Variants in ADAMTS2 observed in about 807,000 individuals in gnomAD.
ADAMTS2 encodes the protein A disintegrin and metalloproteinase with thrombospondin motifs 2.
Under a neutral mutation model 123.0 loss-of-function variants are expected in ADAMTS2, and 50 were observed. That is an observed-to-expected ratio of 0.41 (90% CI 0.32 to 0.51). The LOEUF (loss-of-function observed/expected upper bound fraction) is 0.51, where lower values mean the gene tolerates loss of function less well. ADAMTS2 is among the 20% of genes least tolerant of loss of function. ADAMTS2 has a pLI of 0.35. For synonymous variants in ADAMTS2, 678 were observed against 695.4 expected (o/e 0.98, Z 0.39); for missense variants, 1,494 against 1,705.2 (o/e 0.88, Z 2.18).
rs528175195 is a variant in ADAMTS2 at position 179,254,282 on chromosome 5, A to T, written c.688+18629T>A. Among the ~76,000 whole-genome samples, 6 of 152,370 alleles carry T rather than the reference A, an allele frequency of 3.9e-5. No homozygotes were observed. In the South Asian group the frequency reaches 1.0e-3, roughly 26 times the overall value. ...ATCAATCCTTAGAAGGACTCCAGCC[A>T]GACCCCAAAGGCCACATATTATCAA... On this transcript the variant is annotated intron_variant, in intron 3 of 21. Transcript: ENST00000251582.
At chr5:179,199,507 C>T (rs1408581754) in intron 4 of ADAMTS2, among the ~76,000 whole-genome samples, 1 of 152,160 alleles carries the variant, frequency 6.6e-6, no homozygotes, top group East Asian at 1.9e-4. Flanking sequence ...GAGCAGTGCA[C>T]CAGTAGGAAG....
chr5:179,252,540 T>G (rs1199802575), intron 3 of ADAMTS2, among the ~76,000 whole-genome samples: 1 of 152,188 alleles, frequency 6.6e-6, no homozygotes, highest in Non-Finnish European at 1.5e-5. Context: ...ATGAATTATT[T>G]AAAAGTATTT....
chr5:179,222,164 G>T (rs1765142135), intron 3 of ADAMTS2, among the ~76,000 whole-genome samples: 1 of 152,160 alleles, frequency 6.6e-6, no homozygotes, highest in Admixed American at 6.5e-5. Context: ...AATTGGCCCT[G>T]GTGGACCCCA....
chr5:179,199,852 T>G (rs1047145406), intron 4 of ADAMTS2, among the ~76,000 whole-genome samples: 1 of 152,180 alleles, frequency 6.6e-6, no homozygotes, highest in African/African-American at 2.4e-5. Context: ...ATATTTGCAT[T>G]TAAAATAGCC....
Position 179,130,069 on chromosome 5 carries a change from T to A in ADAMTS2, c.2320A>T (p.Ile774Phe). The change falls in exon 16 of 22, where the codon ATC (isoleucine) becomes TTC (phenylalanine). Residue 774 changes from isoleucine (I) to phenylalanine (F), a missense_variant. Ile to Phe is a conservative substitution (Grantham distance 21, BLOSUM62 0). Coordinates refer to ENST00000251582, the MANE Select transcript of ADAMTS2 (RefSeq NM_014244.5). The surrounding 1 kb of genome is among the most constrained non-coding windows in gnomAD (Gnocchi z 4.3). ...AVKNLETGKF[I>F]LNEENDVDAS... ...TCCACGTCATTCTCTTCATTTAAGA[T>A]GAACTTGCCTGTCTCCAGGTTCTTG... The A allele has an allele frequency of 6.2e-7, 1 of 1,614,116 alleles. No individual in the cohort carries two copies. The highest frequency in any genetic ancestry group is 8.5e-7 in the Non-Finnish European group (1 of 1,180,036).
intron 2 of ADAMTS2, among the ~76,000 whole-genome samples, chr5:179,280,833 C>T (rs2113528384): frequency 6.6e-6 from 1 of 152,300 alleles, no homozygotes; most frequent in Non-Finnish European, 1.5e-5. Context: ...AAAAGGGAAT[C>T]ATTTTTCATT....
intron 11 of ADAMTS2, 61 bp downstream of exon 11, chr5:179,139,829 A>T: frequency 6.2e-7 from 1 of 1,605,516 alleles, no homozygotes; most frequent in Non-Finnish European, 8.5e-7. Flanking sequence ...CTGGCTGGAG[A>T]GGGTCTCCTG....
In ADAMTS2 at chr5:179,342,785, C is replaced by G. The variant is rs1271542195; in HGVS notation, c.534+982G>C. 3.9e-5 allele frequency among the ~76,000 whole-genome samples: 6 copies of G among 152,342 alleles called. No homozygotes were observed. In the East Asian group the frequency reaches 7.7e-4, roughly 20 times the overall value. Reference sequence around the variant, plus strand: ...GTGGCCTCTGCTGTGTGCCAGGCCCCGGGCAGCCGGACAGAGCACCGCCAA... The same window carrying G: ...GTGGCCTCTGCTGTGTGCCAGGCCCGGGGCAGCCGGACAGAGCACCGCCAA... On this transcript the variant is annotated intron_variant, in intron 2 of 21. Transcript: ENST00000251582.
At chr5:179,320,112 C>T (rs1172860576) in intron 2 of ADAMTS2, among the ~76,000 whole-genome samples, 1 of 152,236 alleles carries the variant, frequency 6.6e-6, no homozygotes, top group African/African-American at 2.4e-5. Context: ...AGCAGCCTCA[C>T]TGTCCCTGCC....
intron 10 of ADAMTS2, among the ~76,000 whole-genome samples, chr5:179,144,376 T>C (rs1007386775): frequency 2.0e-5 from 3 of 152,188 alleles, no homozygotes; most frequent in African/African-American, 7.2e-5. Flanking sequence ...ACATAATTCC[T>C]ATCAAAATGC....
At chr5:179,232,682 C>G (rs148166759) in intron 3 of ADAMTS2, among the ~76,000 whole-genome samples, 1 of 152,128 alleles carries the variant, frequency 6.6e-6, no homozygotes, top group Admixed American at 6.5e-5. Context: ...GATTCCCACG[C>G]GTGTCTGCAT....
intron 2 of ADAMTS2, among the ~76,000 whole-genome samples, chr5:179,331,343 AAG>A (rs1408783313): frequency 8.5e-6 from 1 of 117,406 alleles, no homozygotes; most frequent in Non-Finnish European, 1.8e-5. Context: ...GAGTGGGAAA[AAG>A]AGGAATGAGA....
intron 3 of ADAMTS2, among the ~76,000 whole-genome samples, chr5:179,223,131 T>C (rs1007774565): frequency 3.9e-5 from 6 of 152,228 alleles, no homozygotes; most frequent in Non-Finnish European, 8.8e-5. Flanking sequence ...CTAACTACCA[T>C]TTGCCAGCCT....
chr5:179,196,740 C>T (rs1276077809), intron 4 of ADAMTS2, among the ~76,000 whole-genome samples: 3 of 152,226 alleles, frequency 2.0e-5, no homozygotes, highest in Non-Finnish European at 2.9e-5. Flanking sequence ...TACATTTCTG[C>T]ACAGCCTGGT....
chr5:179,137,874 G>A lies in ADAMTS2; in HGVS notation c.1846C>T (p.Pro616Ser), dbSNP rs1763093611. The change falls in exon 12 of 22, where the codon CCC (proline) becomes TCC (serine). Residue 616 changes from proline (P) to serine (S), a missense_variant. Transcript: ENST00000251582. ...TCGCGGAAGTCAGCCAGGGAGTCGGGGCAGTCCTGGCGGCTGCAGAGCTGG... is the reference window on the plus strand; with the variant it reads ...TCGCGGAAGTCAGCCAGGGAGTCGGAGCAGTCCTGGCGGCTGCAGAGCTGG... The part of the protein sequence containing the change: ...DFQLCSRQDC[P>S]DSLADFREEQ... The A allele has an allele frequency of 2.6e-6, 4 of 1,559,698 alleles. No homozygotes were observed. Among genetic ancestry groups the A allele is most frequent in the Non-Finnish European group, 3.5e-6 (4 of 1,153,144 alleles).
chr5:179,307,833 C>T lies in ADAMTS2; in HGVS notation c.535-34769G>A, dbSNP rs1357510034. 6.6e-6 allele frequency among the ~76,000 whole-genome samples: 1 copy of T among 152,190 alleles called. No homozygotes were observed. The highest frequency in any genetic ancestry group is 1.5e-5 in the Non-Finnish European group (1 of 68,036). On this transcript the variant is annotated intron_variant, in intron 2 of 21. Transcript: ENST00000251582. The surrounding 1 kb of genome is among the most constrained non-coding windows in gnomAD (Gnocchi z 5.6). The stretch of plus-strand genomic sequence containing the variant: ...ACAAGGACCTTGGTGAAGGGTGTCC[C>T]TTCTCCATCACACTCCACACTGCCA...
intron 17 of ADAMTS2, among the ~76,000 whole-genome samples, chr5:179,126,495 C>A (rs764251650): frequency 1.3e-5 from 2 of 152,228 alleles, no homozygotes; most frequent in Non-Finnish European, 2.9e-5. Context: ...GCCCGCAGCC[C>A]GCATGCTTCC....
At position 179,207,634 on chromosome 5, in the gene ADAMTS2, G is replaced by T. The variant is rs370679548; in HGVS notation, c.770C>A (p.Ala257Glu). The T allele has an allele frequency of 3.6e-5, 58 of 1,613,662 alleles. No individual in the cohort carries two copies. The African/African-American group carries it at 7.1e-4, about 20-fold the overall frequency. Residue 257 changes from alanine (A) to glutamate (E), a missense_variant, in exon 4 of 22, where the codon GCA (alanine) becomes GAA (glutamate). Coordinates refer to ENST00000251582, the MANE Select transcript of ADAMTS2 (RefSeq NM_014244.5). ...EEHANSSRRRARRHAADDDYN... is the reference protein window; with the variant it reads ...EEHANSSRRRERRHAADDDYN... ...GTCATCGTCCGCAGCATGCCTGCGT[G>T]CCCTCCGCCTCGAGCTGTTGGCGTG...
At chr5:179,210,798 T>C (rs1346413791) in intron 3 of ADAMTS2, among the ~76,000 whole-genome samples, 1 of 152,210 alleles carries the variant, frequency 6.6e-6, no homozygotes, top group East Asian at 1.9e-4. Context: ...GACCCGGCAG[T>C]CAGGCTGAAG....
Sources: gnomAD v4.1 joint callset for allele counts (sites outside exome capture counted in the v4.1 genomes callset) on GRCh38, gnomAD v4.1.1 for gene constraint, Gnocchi (gnomAD v3.1) non-coding constraint, MANE v1.5 for transcripts, NCBI Gene and HGNC (gene_info 2026-07-23, HGNC 2026-07-21) for gene names.